The following PTPN13 variants were observed in gnomAD, a reference collection of about 807,000 sequenced individuals.
PTPN13 encodes the protein tyrosine-protein phosphatase non-receptor type 13.
Under a neutral mutation model 284.0 loss-of-function variants are expected in PTPN13, and 191 were observed. The observed-to-expected ratio is 0.67, with a 90% CI of 0.60 to 0.76. The LOEUF (loss-of-function observed/expected upper bound fraction) is 0.76. Ranked by LOEUF, PTPN13 falls within the 30% of genes least tolerant of loss-of-function variation. The pLI is 0.00. For synonymous variants in PTPN13, 986 were observed against 1,022.3 expected, an observed-to-expected ratio of 0.96 and a Z score of 0.68; for missense variants, 2,797 against 2,939.9, an observed-to-expected ratio of 0.95 and a Z score of 1.12.
chr4:86,808,747 C>A (rs185503084), intron 45 of PTPN13, among the ~76,000 whole-genome samples: 46 of 152,178 alleles, frequency 3.0e-4, no homozygotes, highest in Admixed American at 5.2e-4. Context: ...GAACTCAACC[C>A]CTTTATAGAG....
intron 3 of PTPN13, among the ~76,000 whole-genome samples, chr4:86,680,266 T>C (rs962273809): frequency 2.0e-5 from 3 of 152,072 alleles, no homozygotes; most frequent in African/African-American, 7.2e-5. Context: ...TAGACAGAAA[T>C]GTATTTCTGT....
chr4:86,616,785 C>T (rs1391765331), intron 1 of PTPN13, among the ~76,000 whole-genome samples: 3 of 152,170 alleles, frequency 2.0e-5, no homozygotes, highest in African/African-American at 4.8e-5. Flanking sequence ...ATAAAGCCTA[C>T]AGAACCATGA....
At chr4:86,665,490 A>G (rs576845835) in intron 2 of PTPN13, among the ~76,000 whole-genome samples, 1 of 152,308 alleles carries the variant, frequency 6.6e-6, no homozygotes, top group South Asian at 2.1e-4. Flanking sequence ...TAAAACACCA[A>G]TTTGACAAAT....
intron 35 of PTPN13, among the ~76,000 whole-genome samples, chr4:86,779,843 AT>A (rs1741094751): frequency 6.6e-6 from 1 of 152,102 alleles, no homozygotes; most frequent in Admixed American, 6.5e-5. Flanking sequence ...CATTCTTATA[AT>A]CCTTTGAATA....
At position 86,734,759 on chromosome 4, in the gene PTPN13, T is replaced by G; in HGVS notation, c.2035T>G (p.Tyr679Asp). 1 of 1,613,228 alleles carries G rather than the reference T, an allele frequency of 6.2e-7. No homozygotes were observed. Residue 679 changes from tyrosine (Y) to aspartate (D), a missense_variant, in exon 14 of 48, where the codon TAT becomes GAT. Transcript: ENST00000411767. ...CAGACATACTCTGACGTGTCATCAG[T>G]ATTACCTTCAGCTTCGAAAAGATAT... ...LIQHTLTCHQ[Y>D]YLQLRKDILE...
intron 20 of PTPN13, among the ~76,000 whole-genome samples, chr4:86,757,478 T>A (rs1163239820): frequency 1.3e-5 from 2 of 152,104 alleles, no homozygotes; most frequent in Non-Finnish European, 2.9e-5. Flanking sequence ...TATTAATAGA[T>A]CCAGTTTCTG....
chr4:86,669,064 T>A (rs1430844870), intron 2 of PTPN13, among the ~76,000 whole-genome samples: 1 of 151,780 alleles, frequency 6.6e-6, no homozygotes, highest in African/African-American at 2.4e-5. Context: ...TTCTTCTTTT[T>A]TGAATCCTAA....
chr4:86,641,193 G>A (rs1723739951), intron 2 of PTPN13, among the ~76,000 whole-genome samples: 1 of 152,042 alleles, frequency 6.6e-6, no homozygotes, highest in Non-Finnish European at 1.5e-5. Context: ...TTATTTTATG[G>A]ATGAATGGTG....
intron 41 of PTPN13, 71 bp downstream of exon 41, chr4:86,797,000 G>T: frequency 1.0e-6 from 1 of 977,474 alleles, no homozygotes; most frequent in Admixed American, 2.6e-5. Flanking sequence ...ATTTCCATTT[G>T]TTTTCCAGTA....
Position 86,811,062 on chromosome 4 carries a change from T to G in PTPN13, c.7316T>G (p.Leu2439Trp), listed in dbSNP as rs2149394040. The G allele has an allele frequency of 6.2e-7, 1 of 1,613,618 alleles. No individual in the cohort carries two copies. The highest frequency in any genetic ancestry group is 1.1e-5 in the South Asian group (1 of 91,034). The change falls in exon 47 of 48, where the codon TTG becomes TGG. Residue 2439 changes from leucine (L) to tryptophan (W), a missense_variant. Transcript: ENST00000411767. ...CTCTGACAGTTTGACATCTCTGATTTGGTGCGCTGCATGAGACTACAAAGA... is the reference window on the plus strand; with the variant it reads ...CTCTGACAGTTTGACATCTCTGATTGGGTGCGCTGCATGAGACTACAAAGA... ...SQDLDFDISD[L>W]VRCMRLQRHG... is the part of the protein sequence containing the mutation.
chr4:86,728,643 C>CAT, intron 10 of PTPN13, among the ~76,000 whole-genome samples: 1 of 24,500 alleles, frequency 4.1e-5, no homozygotes, highest in Non-Finnish European at 7.6e-5. Context: ...CAACCCCTGC[C>CAT]TTTTTTTTTT....
At chr4:86,636,544 C>G (rs562899526) in intron 2 of PTPN13, among the ~76,000 whole-genome samples, 3 of 152,104 alleles carry the variant, frequency 2.0e-5, no homozygotes, top group African/African-American at 7.2e-5. Flanking sequence ...AGTGATAGTT[C>G]TGAAAGTGTG....
Position 86,734,457 on chromosome 4 carries a change from G to A in PTPN13, c.2012+1G>A. 4.5e-6 allele frequency: 7 copies of A among 1,545,312 alleles called. No homozygotes were observed. The highest frequency in any genetic ancestry group is 6.1e-6 in the Non-Finnish European group (7 of 1,144,416). ...TTATGGATGATGTTAGTCTAATACA[G>A]TGAGTACACAAGAGTTTCTCTTTTG... On this transcript the variant is annotated splice_donor_variant, in intron 13 of 47. Coordinates refer to ENST00000411767, the MANE Select transcript of PTPN13 (RefSeq NM_080683.3). LOFTEE classifies it high-confidence loss of function.
Position 86,767,963 on chromosome 4 carries a change from C to G in PTPN13, c.4476C>G (p.Ser1492Arg), listed in dbSNP as rs2149264364. The G allele has an allele frequency of 6.2e-7, 1 of 1,610,514 alleles. No individual in the cohort carries two copies. Among genetic ancestry groups the G allele is most frequent in the Non-Finnish European group, 8.5e-7 (1 of 1,178,752 alleles). The change falls in exon 28 of 48, where the codon AGC becomes AGG. Residue 1492 changes from serine to arginine, a missense_variant. Transcript: ENST00000411767. ...AAACAACTCAGGTCAAAGACTACAGCTTTGTCACTGAAGGTCAGGCCTTGG... is the reference window on the plus strand; with the variant it reads ...AAACAACTCAGGTCAAAGACTACAGGTTTGTCACTGAAGGTCAGGCCTTGG... ...VKKTTQVKDY[S>R]FVTEENTFEV... is the part of the protein sequence containing the mutation.
At chr4:86,810,275 A>G (rs151166836) in intron 46 of PTPN13, among the ~76,000 whole-genome samples, 398 of 152,242 alleles carry the variant, frequency 2.6e-3, no homozygotes, top group Non-Finnish European at 4.8e-3. Context: ...TACCCTTTAT[A>G]GTCTTTAGGC....
intron 2 of PTPN13, among the ~76,000 whole-genome samples, chr4:86,656,638 G>A (rs932964419): frequency 1.3e-5 from 2 of 152,192 alleles, no homozygotes; most frequent in African/African-American, 4.8e-5. Flanking sequence ...TGCCCCTACT[G>A]GAGGGTGCCT....
At chr4:86,805,416 T>TCTG in intron 44 of PTPN13, 47 bp downstream of exon 44, 1 of 1,181,716 alleles carries the variant, frequency 8.5e-7, no homozygotes, top group Middle Eastern at 2.0e-4. Flanking sequence ...CAGTATAATA[T>TCTG]TAATGGATTA....
intron 20 of PTPN13, among the ~76,000 whole-genome samples, chr4:86,754,914 T>A (rs151289125): frequency 6.6e-6 from 1 of 152,034 alleles, no homozygotes; most frequent in African/African-American, 2.4e-5. Flanking sequence ...AACAAGGCTA[T>A]ATTTTCTTCA....
At chr4:86,651,537 T>C (rs182317511) in intron 2 of PTPN13, among the ~76,000 whole-genome samples, 1 of 152,296 alleles carries the variant, frequency 6.6e-6, no homozygotes, top group Non-Finnish European at 1.5e-5. Context: ...CTTGATTTAT[T>C]GGAATCATTT....
Sources: gnomAD v4.1 joint callset for allele counts (sites outside exome capture counted in the v4.1 genomes callset) on GRCh38, gnomAD v4.1.1 for gene constraint, MANE v1.5 for transcripts, NCBI Gene and HGNC (gene_info 2026-07-23, HGNC 2026-07-21) for gene names.